The following ZNF217 variants were observed in gnomAD, a reference collection of about 807,000 sequenced individuals.
ZNF217 encodes the protein zinc finger protein 217.
A neutral mutation model predicts 73.3 loss-of-function variants in ZNF217; 12 were observed. That is an observed-to-expected ratio of 0.16 (90% CI 0.10 to 0.27). ZNF217 has a LOEUF of 0.27. Among genes scored for constraint, ZNF217 ranks in the 10% least tolerant of loss-of-function variants. The pLI is 1.00. For synonymous variants in ZNF217, 588 were observed against 516.4 expected (o/e 1.14, Z -1.88); for missense variants, 1,195 against 1,327.8 (o/e 0.90, Z 1.55).
In ZNF217 at chr20:53,581,739, G is replaced by A. The variant is rs111868842; in HGVS notation, c.1088C>T (p.Ala363Val). The A allele has an allele frequency of 4.5e-5, 72 of 1,614,118 alleles. No homozygotes were observed. The Admixed American group carries it at 6.5e-4, about 15-fold the overall frequency. Reference protein sequence around the residue: ...HSHGEAPSVDADPKLPSSKEK... With the variant: ...HSHGEAPSVDVDPKLPSSKEK... The stretch of plus-strand genomic sequence containing the variant: ...CTTGCTACTGGGTAACTTGGGATCC[G>A]CGTCCACGGAGGGCGCTTCGCCGTG... Residue 363 changes from alanine (A) to valine (V), a missense_variant, in exon 2 of 6, where the codon GCG becomes GTG. Around this residue, in one of 9 missense-constraint regions of ZNF217, gnomAD observed 102 missense variants for 91.9 expected, o/e 1.11. Transcript: ENST00000371471. The surrounding 1 kb of genome is among the most constrained non-coding windows in gnomAD (Gnocchi z 4.9).
At chr20:53,573,351 C>T (rs114924120) in intron 4 of ZNF217, among the ~76,000 whole-genome samples, 6,187 of 152,212 alleles carry the variant, frequency 0.041, 383 homozygotes, top group African/African-American at 0.14. Flanking sequence ...TCCCAAAGTC[C>T]TGGGATTACA....
chr20:53,575,636 T>C (rs766243081), intron 4 of ZNF217, 91 bp downstream of exon 4: 49 of 1,283,850 alleles, frequency 3.8e-5, no homozygotes, highest in Non-Finnish European at 5.0e-5. Flanking sequence ...CCCCCCACCC[T>C]TGGGAGTGGT....
chr20:53,572,047 G>T (rs1988034837), intron 4 of ZNF217, among the ~76,000 whole-genome samples, 194 bp from the exon 5 acceptor site: 1 of 152,118 alleles, frequency 6.6e-6, no homozygotes, highest in Non-Finnish European at 1.5e-5. Flanking sequence ...GAATTTGGTT[G>T]ATGTCACTAA....
At chr20:53,589,503 T>A (rs976744484) in intron 1 of ZNF217, among the ~76,000 whole-genome samples, 3 of 152,240 alleles carry the variant, frequency 2.0e-5, no homozygotes, top group Non-Finnish European at 2.9e-5. Context: ...TGGCGGCAGC[T>A]GGCTAGCGGG....
chr20:53,587,789 CTCTG>C (rs1391527162), intron 1 of ZNF217, among the ~76,000 whole-genome samples: 1 of 147,614 alleles, frequency 6.8e-6, no homozygotes, highest in African/African-American at 2.5e-5. Flanking sequence ...AAAGTTTTTC[CTCTG>C]TCTTTTACGC....
chr20:53,592,555 G>GCCCTACCCAGAAT (rs1204815564), intron 1 of ZNF217, among the ~76,000 whole-genome samples: 10 of 147,604 alleles, frequency 6.8e-5, no homozygotes, highest in Non-Finnish European at 1.3e-4. Flanking sequence ...GTCTTCGGTG[G>GCCCTACCCAGAAT]CCCTACCCAG....
rs1987771727 is a variant in ZNF217, at chr20:53,567,089, A to G, written c.*2199T>C. ...CTCAAGATTGCAAAACACCAAATCTATATTTACACTTCCACATATAATAAC... is the reference window on the plus strand; with the variant it reads ...CTCAAGATTGCAAAACACCAAATCTGTATTTACACTTCCACATATAATAAC... On this transcript the variant is annotated 3_prime_UTR_variant, in exon 6 of 6. Transcript: ENST00000371471. 6.6e-6 allele frequency: 1 copy of G among 151,950 alleles called. No individual in the cohort carries two copies. The highest frequency in any genetic ancestry group is 1.5e-5 in the Non-Finnish European group (1 of 67,526). The allele number at this position is 151,950 out of a possible 1,614,324, so 9.4% of individuals were successfully genotyped here.
rs1600707397 is a variant in ZNF217, at chr20:53,569,168, C to T, written c.*120G>A. 1 of 1,346,900 alleles carries T rather than the reference C, an allele frequency of 7.4e-7. No individual in the cohort carries two copies. The highest frequency in any genetic ancestry group is 9.9e-7 in the Non-Finnish European group (1 of 1,011,602). 83.4% of individuals were successfully genotyped at this position (1,346,900 alleles called of 1,614,324 possible). ...TTCCTCATATGTTTTATGTACAGTA[C>T]AATCACAGCTTATTTCAGTAGCTTT... On this transcript the variant is annotated 3_prime_UTR_variant, in exon 6 of 6. Coordinates refer to ENST00000371471, the MANE Select transcript of ZNF217 (RefSeq NM_006526.3).
chr20:53,593,665 G>A (rs1988965672), intron 1 of ZNF217, 91 bp downstream of exon 1: 5 of 151,510 alleles, frequency 3.3e-5, no homozygotes, highest in Admixed American at 3.3e-4. Flanking sequence ...ACAAGACAAC[G>A]AGAGCCGGGC....
chr20:53,592,296 A>T, intron 1 of ZNF217, among the ~76,000 whole-genome samples: 1 of 152,170 alleles, frequency 6.6e-6, no homozygotes, highest in East Asian at 1.9e-4. Context: ...CCATAGACTG[A>T]TTCAGGAAGA....
In ZNF217 at chr20:53,586,933, T is replaced by G. The variant is rs554793639; in HGVS notation, c.-342-3765A>C. On this transcript the variant is annotated intron_variant, in intron 1 of 5. Transcript: ENST00000371471. Reference sequence around the variant, plus strand: ...AAAGCAGGATATTATAATCCAACACTATAATCTAAATGCTTCTAGCTTGCA... The same window carrying G: ...AAAGCAGGATATTATAATCCAACACGATAATCTAAATGCTTCTAGCTTGCA... Among the ~76,000 whole-genome samples, 24 of 152,334 alleles carry G rather than the reference T, an allele frequency of 1.6e-4. No homozygotes were observed. The South Asian group carries it at 4.1e-3, about 26-fold the overall frequency.
intron 2 of ZNF217, among the ~76,000 whole-genome samples, chr20:53,580,809 G>A (rs555605029): frequency 1.3e-5 from 2 of 152,112 alleles, no homozygotes; most frequent in African/African-American, 2.4e-5. Flanking sequence ...AGCACCAAAC[G>A]GCTGCCCAAA....
chr20:53,589,485 G>C (rs1239005949), intron 1 of ZNF217, among the ~76,000 whole-genome samples: 8 of 152,218 alleles, frequency 5.3e-5, no homozygotes, highest in Non-Finnish European at 1.2e-4. Flanking sequence ...ATATAAAAGG[G>C]TAATATGTGG....
At chr20:53,588,593 TC>T (rs1199009173) in intron 1 of ZNF217, among the ~76,000 whole-genome samples, 1 of 8,906 alleles carries the variant, frequency 1.1e-4, no homozygotes, top group African/African-American at 5.9e-4. Flanking sequence ...CACACATCTA[TC>T]TATATATATA....
In ZNF217 at chr20:53,582,514, G is replaced by A; in HGVS notation, c.313C>T (p.Leu105Phe). The A allele has an allele frequency of 6.2e-7, 1 of 1,614,188 alleles. No homozygotes were observed. The highest frequency in any genetic ancestry group is 8.5e-7 in the Non-Finnish European group (1 of 1,180,044). The change falls in exon 2 of 6, where the codon CTC becomes TTC. Residue 105 changes from leucine to phenylalanine, a missense_variant. Around this residue, in one of 9 missense-constraint regions of ZNF217, gnomAD observed 147 missense variants for 184.3 expected, o/e 0.80. Coordinates refer to ENST00000371471, the MANE Select transcript of ZNF217 (RefSeq NM_006526.3). This position sits in a 1 kb window ranked among gnomAD's most constrained non-coding sequence, Gnocchi z 4.8. Reference protein sequence around the residue: ...PAVLRVEAEYLSPLDKSQVRT... With the variant: ...PAVLRVEAEYFSPLDKSQVRT... ...ACTTGACTTTTATCAAGCGGACTGA[G>A]ATACTCTGCTTCAACCCGAAGAACT...
rs140132916 is a variant in ZNF217, at chr20:53,576,274, T to G, written c.2490A>C (p.Gln830His). Residue 830 changes from glutamine to histidine, a missense_variant, in exon 4 of 6, where the codon CAA becomes CAC. Gln to His is a conservative substitution (Grantham distance 24, BLOSUM62 0). Coordinates refer to ENST00000371471, the MANE Select transcript of ZNF217 (RefSeq NM_006526.3). The stretch of plus-strand genomic sequence containing the variant: ...ATTGCTGTTGCCTGGTGGCGGCCCC[T>G]TGGACCCCCACATTCTGCTGTGGTC... ...SHRPQQNVGV[Q>H]GAATRQQQSE... 6.2e-7 allele frequency: 1 copy of G among 1,614,120 alleles called. No individual in the cohort carries two copies. Among genetic ancestry groups the G allele is most frequent in the African/African-American group, 1.3e-5 (1 of 74,948 alleles).
upstream of ZNF217, chr20:53,597,618 T>C (rs113105025): frequency 6.9e-4 from 104 of 150,770 alleles, no homozygotes; most frequent in African/African-American, 2.5e-3. Context: ...TATATATATA[T>C]AGCAGAACTT....
At chr20:53,589,894 C>T (rs1988821926) in intron 1 of ZNF217, among the ~76,000 whole-genome samples, 1 of 150,784 alleles carries the variant, frequency 6.6e-6, no homozygotes, top group Admixed American at 6.6e-5. Flanking sequence ...TAAATTTTAA[C>T]ACCCCTCCCC....
Position 53,576,163 on chromosome 20 carries a change from A to G in ZNF217, c.2601T>C (p.Ala867=). Reference sequence around the variant, plus strand: ...TGCTGCCGAGGGTGGGCTGAGAAGGAGCTACTGGAAGAGGTTTCAATTTTG... The same window carrying G: ...TGCTGCCGAGGGTGGGCTGAGAAGGGGCTACTGGAAGAGGTTTCAATTTTG... ...PETKLKPLPV[A]PSQPTLGSSN... The change falls in exon 4 of 6, where the codon GCT becomes GCC. Residue 867 remains alanine, a synonymous_variant. Transcript: ENST00000371471. 6.2e-7 allele frequency: 1 copy of G among 1,614,156 alleles called. No individual in the cohort carries two copies. Among genetic ancestry groups the G allele is most frequent in the Non-Finnish European group, 8.5e-7 (1 of 1,180,028 alleles).
Sources: gnomAD v4.1 joint callset for allele counts (sites outside exome capture counted in the v4.1 genomes callset) on GRCh38, gnomAD v4.1.1 for gene constraint, gnomAD v4.1.1 regional missense constraint, Gnocchi (gnomAD v3.1) non-coding constraint, MANE v1.5 for transcripts, NCBI Gene and HGNC (gene_info 2026-07-23, HGNC 2026-07-21) for gene names.